The following TPRG1 variants were observed in gnomAD, a reference collection of about 807,000 sequenced individuals.
TPRG1 encodes tumor protein p63 regulated 1.
A neutral mutation model predicts 29.3 loss-of-function variants in TPRG1; 29 were observed. That is an observed-to-expected ratio of 0.99 (90% CI 0.74 to 1.35). TPRG1 has a LOEUF of 1.35. Ranked by LOEUF, TPRG1 falls within the 40% of genes most tolerant of loss-of-function variation. TPRG1 has a pLI of 0.00. For missense variants in TPRG1, 327 were observed against 335.0 expected, an observed-to-expected ratio of 0.98 and a Z score of 0.19; for synonymous variants, 130 against 116.8, an observed-to-expected ratio of 1.11 and a Z score of -0.73.
chr3:189,037,907 ATC>A (rs898199431), intron 4 of TPRG1, among the ~76,000 whole-genome samples: 3 of 151,158 alleles, frequency 2.0e-5, no homozygotes, highest in African/African-American at 7.3e-5. Context: ...TACCATCTCT[ATC>A]AAAAGGCATA....
intron 1 of TPRG1, among the ~76,000 whole-genome samples, chr3:189,112,387 C>T (rs1248280797): frequency 1.3e-5 from 2 of 152,116 alleles, no homozygotes; most frequent in Admixed American, 6.6e-5. Flanking sequence ...TAATTAGATC[C>T]CATTTGTCAA....
At chr3:189,093,561 A>T (rs1718480421) in intron 4 of TPRG1, among the ~76,000 whole-genome samples, 2 of 152,202 alleles carry the variant, frequency 1.3e-5, no homozygotes, top group South Asian at 2.1e-4. Flanking sequence ...ATATTTATTT[A>T]GACACCAAAG....
intron 4 of TPRG1, among the ~76,000 whole-genome samples, chr3:189,273,663 G>C (rs912377420): frequency 4.6e-5 from 7 of 152,182 alleles, no homozygotes; most frequent in African/African-American, 1.7e-4. Context: ...GCACTCATTT[G>C]ATAGCTCTGG....
At chr3:189,309,348 G>A (rs1398705235) in intron 4 of TPRG1, among the ~76,000 whole-genome samples, 1 of 152,106 alleles carries the variant, frequency 6.6e-6, no homozygotes, top group Non-Finnish European at 1.5e-5. Context: ...CTTAATACAG[G>A]AAGTGACAGT....
At chr3:189,289,691 T>G (rs1431601841) in intron 4 of TPRG1, among the ~76,000 whole-genome samples, 1 of 152,256 alleles carries the variant, frequency 6.6e-6, no homozygotes, top group Admixed American at 6.5e-5. Context: ...TATTAAGTAC[T>G]ATGAGATTAT....
chr3:189,227,461 A>AC (rs1353591490), intron 3 of TPRG1, among the ~76,000 whole-genome samples: 1 of 152,054 alleles, frequency 6.6e-6, no homozygotes, highest in Non-Finnish European at 1.5e-5. Flanking sequence ...CCTGAACTGA[A>AC]TTTTTCTTCT....
At chr3:189,143,576 T>G (rs1221400997) in intron 3 of TPRG1, among the ~76,000 whole-genome samples, 1 of 152,170 alleles carries the variant, frequency 6.6e-6, no homozygotes, top group African/African-American at 2.4e-5. Context: ...GGGGCCAACA[T>G]TTTTCTTGAG....
At chr3:189,033,530 C>T (rs1347203467) in intron 4 of TPRG1, among the ~76,000 whole-genome samples, 1 of 151,708 alleles carries the variant, frequency 6.6e-6, no homozygotes, top group Non-Finnish European at 1.5e-5. Flanking sequence ...AATCTGCCCT[C>T]CTCAAAGTGC....
At chr3:189,004,005 GT>G (rs1712163455) in intron 2 of TPRG1, among the ~76,000 whole-genome samples, 1 of 152,050 alleles carries the variant, frequency 6.6e-6, no homozygotes, top group African/African-American at 2.4e-5. Flanking sequence ...TTTTGTCCGA[GT>G]AAAACTCGGT....
intron 1 of TPRG1, among the ~76,000 whole-genome samples, chr3:189,114,764 C>G (rs1720971398): frequency 6.6e-6 from 1 of 151,962 alleles, no homozygotes; most frequent in Admixed American, 6.6e-5. Flanking sequence ...TGATTCCTGT[C>G]ACTTGGTCCA....
At chr3:189,129,434 A>G (rs932462492) in intron 2 of TPRG1, among the ~76,000 whole-genome samples, 1 of 152,152 alleles carries the variant, frequency 6.6e-6, no homozygotes, top group Non-Finnish European at 1.5e-5. Context: ...AACCCTGATC[A>G]CTTGGTTAAG....
intron 4 of TPRG1, among the ~76,000 whole-genome samples, chr3:189,250,507 C>CCA (rs1229936619): frequency 5.2e-5 from 4 of 77,256 alleles, no homozygotes; most frequent in South Asian, 1.4e-3. Flanking sequence ...GATTTCCGCC[C>CCA]CCCCCCCCCC....
chr3:189,163,923 C>A (rs983323338), intron 5 of TPRG1, among the ~76,000 whole-genome samples: 1 of 151,494 alleles, frequency 6.6e-6, no homozygotes, highest in Non-Finnish European at 1.5e-5. Flanking sequence ...AAGATGATAC[C>A]TTTAGCTAAT....
chr3:189,058,003 A>G lies in TPRG1; in HGVS notation c.-463+34057A>G, dbSNP rs138225833. ...GTAGGTTGTGTATATATTATGCTGA[A>G]TATTAACATGACAGTATGTATATGT... On this transcript the variant is annotated intron_variant, in intron 4 of 10. Coordinates refer to the TPRG1 transcript ENST00000433971. 3.3e-3 allele frequency among the ~76,000 whole-genome samples: 498 copies of G among 151,888 alleles called. 2 individuals are homozygous for G. Among genetic ancestry groups the G allele is most frequent in the South Asian group, 0.015 (70 of 4,820 alleles).
intron 1 of TPRG1, among the ~76,000 whole-genome samples, chr3:189,178,840 C>G (rs1335135744): frequency 6.6e-6 from 1 of 152,178 alleles, no homozygotes; most frequent in Non-Finnish European, 1.5e-5. Context: ...TTTTATAAAT[C>G]TCAGGAAACT....
At chr3:189,095,405 T>G (rs1253589322), upstream of TPRG1, among the ~76,000 whole-genome samples, 1 of 152,154 alleles carries the variant, frequency 6.6e-6, no homozygotes, top group African/African-American at 2.4e-5. Context: ...CATCTGATAT[T>G]TATGGAATGT....
At chr3:189,002,011 G>A (rs1241194137) in intron 2 of TPRG1, among the ~76,000 whole-genome samples, 2 of 152,250 alleles carry the variant, frequency 1.3e-5, no homozygotes, top group Non-Finnish European at 1.5e-5. Context: ...GAACTTAGCG[G>A]GCAGAGCCCA....
chr3:189,141,709 A>G (rs190905073), intron 3 of TPRG1, among the ~76,000 whole-genome samples: 105 of 152,354 alleles, frequency 6.9e-4, no homozygotes, highest in South Asian at 3.1e-3. Flanking sequence ...TCTACAATGA[A>G]GAGCAAAACA....
intron 5 of TPRG1, among the ~76,000 whole-genome samples, chr3:189,158,834 T>C (rs1357999193): frequency 6.6e-6 from 1 of 152,124 alleles, no homozygotes; most frequent in Non-Finnish European, 1.5e-5. Flanking sequence ...AAAACAAAAT[T>C]GCTCTAATTT....
Sources: gnomAD v4.1 joint callset for allele counts (sites outside exome capture counted in the v4.1 genomes callset) on GRCh38, gnomAD v4.1.1 for gene constraint, MANE v1.5 for transcripts, NCBI Gene and HGNC (gene_info 2026-07-23, HGNC 2026-07-21) for gene names.